The following GATA4 variants were observed in gnomAD, a reference collection of about 807,000 sequenced individuals.
GATA4 encodes transcription factor GATA-4.
A neutral mutation model predicts 37.9 loss-of-function variants in GATA4; 7 were observed. The observed-to-expected ratio is 0.18, with a 90% CI of 0.11 to 0.35. The LOEUF is 0.35. Ranked by LOEUF, GATA4 falls within the 10% of genes least tolerant of loss-of-function variation. The pLI, the probability that GATA4 is intolerant of heterozygous loss-of-function variation, is 1.00. For missense variants in GATA4, 647 were observed against 653.0 expected (o/e 0.99, Z 0.10); for synonymous variants, 372 against 292.6 (o/e 1.27, Z -2.77).
intron 2 of GATA4, among the ~76,000 whole-genome samples, chr8:11,721,080 G>A (rs1043826430): frequency 2.0e-5 from 3 of 151,934 alleles, no homozygotes; most frequent in African/African-American, 7.3e-5. Context: ...CAGCAACTTA[G>A]AGCTTGCTAG....
At chr8:11,736,593 C>A (rs1042685858) in intron 2 of GATA4, among the ~76,000 whole-genome samples, 20 of 152,228 alleles carry the variant, frequency 1.3e-4, no homozygotes, top group Non-Finnish European at 2.9e-4. Context: ...TCGTCAAGAC[C>A]CCGGGGGGTG....
chr8:11,728,104 C>T (rs1801024865), intron 2 of GATA4, among the ~76,000 whole-genome samples: 1 of 152,138 alleles, frequency 6.6e-6, no homozygotes, highest in African/African-American at 2.4e-5. Context: ...GATTCTCCTG[C>T]CTCAGCCTCC....
intron 2 of GATA4, among the ~76,000 whole-genome samples, chr8:11,722,502 G>A (rs78117915): frequency 6.6e-6 from 1 of 152,240 alleles, no homozygotes; most frequent in Non-Finnish European, 1.5e-5. Context: ...TTCCAATCAG[G>A]ATCTAAATGA....
chr8:11,739,972 G>C (rs1801649299), intron 2 of GATA4, among the ~76,000 whole-genome samples: 1 of 152,206 alleles, frequency 6.6e-6, no homozygotes, highest in Non-Finnish European at 1.5e-5. Flanking sequence ...CTGGGGATGT[G>C]CAGAGAGAGC....
chr8:11,750,770 TAAAAAA>T (rs1195090785), intron 4 of GATA4, among the ~76,000 whole-genome samples: 3 of 88,802 alleles, frequency 3.4e-5, no homozygotes, highest in Non-Finnish European at 4.1e-5. Flanking sequence ...TTGTCTCTAC[TAAAAAA>T]AAAAAAAAAA....
upstream of GATA4, among the ~76,000 whole-genome samples, chr8:11,687,816 C>A (rs1290389149): frequency 2.0e-5 from 3 of 152,066 alleles, no homozygotes; most frequent in Admixed American, 2.0e-4. Context: ...ATCCAAAAAT[C>A]AAAAAATTAC....
upstream of GATA4, chr8:11,692,460 A>C (rs745613674): frequency 1.1e-6 from 1 of 931,862 alleles, no homozygotes; most frequent in East Asian, 1.2e-4. Flanking sequence ...ACCCTAATAG[A>C]ATATTGACCG....
chr8:11,755,864 G>A (rs371296064), intron 5 of GATA4, among the ~76,000 whole-genome samples: 26 of 150,002 alleles, frequency 1.7e-4, no homozygotes, highest in East Asian at 1.2e-3. Flanking sequence ...ACCTATGATC[G>A]TGCCACTGCA....
At chr8:11,730,402 A>G (rs1275472364) in intron 2 of GATA4, among the ~76,000 whole-genome samples, 1 of 152,234 alleles carries the variant, frequency 6.6e-6, no homozygotes, top group Non-Finnish European at 1.5e-5. Context: ...GATCTGTGAG[A>G]TTCAGTGAAG....
chr8:11,718,913 C>T (rs757774879), intron 2 of GATA4, among the ~76,000 whole-genome samples: 13 of 152,184 alleles, frequency 8.5e-5, no homozygotes, highest in African/African-American at 9.6e-5. Context: ...TGCCAGGAGG[C>T]GCTCATTGAC....
chr8:11,688,084 A>C (rs1243528460), upstream of GATA4, among the ~76,000 whole-genome samples: 3 of 152,244 alleles, frequency 2.0e-5, no homozygotes, highest in African/African-American at 4.8e-5. Context: ...GATTCAGCAG[A>C]TAAGTAGCAA....
At chr8:11,730,387 C>G (rs1448469981) in intron 2 of GATA4, among the ~76,000 whole-genome samples, 2 of 152,218 alleles carry the variant, frequency 1.3e-5, no homozygotes, top group African/African-American at 2.4e-5. Flanking sequence ...CCTTCTACCT[C>G]TGATGATCTG....
rs77424522 is a variant in GATA4, at chr8:11,726,931, T to C, written c.616+18003T>C. On this transcript the variant is annotated intron_variant, in intron 2 of 6. Coordinates refer to ENST00000532059, the MANE Select transcript of GATA4 (RefSeq NM_001308093.3). Reference sequence around the variant, plus strand: ...CAGAGACTTCCGGAGTTTTCACTCATCTAGTTTGTCCTTTCCCATCTTGGG... The same window carrying C: ...CAGAGACTTCCGGAGTTTTCACTCACCTAGTTTGTCCTTTCCCATCTTGGG... 6.1e-3 allele frequency among the ~76,000 whole-genome samples: 931 copies of C among 152,258 alleles called. 12 individuals are homozygous for C. Among genetic ancestry groups the C allele is most frequent in the East Asian group, 0.056 (291 of 5,176 alleles).
intron 2 of GATA4, among the ~76,000 whole-genome samples, chr8:11,724,510 T>A (rs934363244): frequency 1.2e-4 from 18 of 152,212 alleles, no homozygotes; most frequent in Admixed American, 6.5e-5. Flanking sequence ...TGTCATAACA[T>A]CCTCATCTCT....
At chr8:11,683,056 G>A (rs1401643768) in intron 1 of GATA4, 1 of 985,230 alleles carries the variant, frequency 1.0e-6, no homozygotes, top group Non-Finnish European at 1.2e-6. Flanking sequence ...CAGCTCTCTG[G>A]TGTCTCTTAC....
upstream of GATA4, among the ~76,000 whole-genome samples, chr8:11,690,206 G>A (rs990095365): frequency 2.0e-5 from 3 of 152,204 alleles, no homozygotes; most frequent in Non-Finnish European, 4.4e-5. Context: ...GAGCCTCTGT[G>A]TTTGCACACA....
intron 4 of GATA4, among the ~76,000 whole-genome samples, chr8:11,751,146 A>G (rs1401437180): frequency 6.6e-6 from 1 of 152,200 alleles, no homozygotes; most frequent in Non-Finnish European, 1.5e-5. Context: ...GTGCCTGGAA[A>G]TGATACCTAG....
intron 1 of GATA4, among the ~76,000 whole-genome samples, chr8:11,679,293 T>G (rs1239501726): frequency 1.1e-4 from 17 of 152,046 alleles, no homozygotes; most frequent in African/African-American, 4.1e-4. Flanking sequence ...CGGGCAATTT[T>G]TCTGAAGGTT....
At chr8:11,703,690 G>A (rs1408992874), upstream of GATA4, among the ~76,000 whole-genome samples, 2 of 152,224 alleles carry the variant, frequency 1.3e-5, no homozygotes, top group African/African-American at 4.8e-5. Flanking sequence ...GATTTTAGGA[G>A]GCAGTCTGGG....
Sources: allele counts gnomAD v4.1 joint callset (sites outside exome capture counted in the v4.1 genomes callset), GRCh38; gene constraint gnomAD v4.1.1; transcripts MANE v1.5; gene names NCBI Gene and HGNC (gene_info 2026-07-23, HGNC 2026-07-21).